Variants in DNAI3 observed in about 807,000 individuals in gnomAD.
The protein encoded by DNAI3 is dynein axonemal intermediate chain 3, also known as WD repeat domain 63.
DNAI3 carries 83 observed loss-of-function variants against 115.5 expected under a neutral mutation model. The observed-to-expected ratio is 0.72, with a 90% CI of 0.60 to 0.86. DNAI3 has a LOEUF of 0.86. Ranked by LOEUF, DNAI3 falls within the 40% of genes least tolerant of loss-of-function variation. DNAI3 has a pLI of 0.00. For synonymous variants in DNAI3, 320 were observed against 347.0 expected (o/e 0.92, Z 0.86); for missense variants, 1,004 against 1,075.8 (o/e 0.93, Z 0.93).
chr1:85,096,579 A>G (rs1446497864), intron 11 of DNAI3, among the ~76,000 whole-genome samples: 1 of 150,732 alleles, frequency 6.6e-6, no homozygotes, highest in African/African-American at 2.4e-5. Context: ...TTTTTAAGTT[A>G]TCTAATATCA....
At chr1:85,063,445 C>A (rs1197089595) in intron 1 of DNAI3, among the ~76,000 whole-genome samples, 1 of 152,150 alleles carries the variant, frequency 6.6e-6, no homozygotes, top group Non-Finnish European at 1.5e-5. Flanking sequence ...AAGGTTGACG[C>A]AGTGAGGCAC....
chr1:85,102,283 T>G (rs1655350713), intron 13 of DNAI3, among the ~76,000 whole-genome samples: 1 of 152,136 alleles, frequency 6.6e-6, no homozygotes, highest in African/African-American at 2.4e-5. Context: ...ATTTCATCTT[T>G]AAACATTATA....
intron 1 of DNAI3, among the ~76,000 whole-genome samples, chr1:85,066,314 C>CATTTTTTTTTTTTTT (rs1553164760): frequency 1.4e-5 from 1 of 70,014 alleles, no homozygotes; most frequent in Non-Finnish European, 2.5e-5. Context: ...TTCTGCTACT[C>CATTTTTTTTTTTTTT]TTTTTTTTTT....
chr1:85,130,463 G>A (rs1170268555), intron 22 of DNAI3, among the ~76,000 whole-genome samples: 1 of 152,102 alleles, frequency 6.6e-6, no homozygotes, highest in Non-Finnish European at 1.5e-5. Context: ...AAGACACGTG[G>A]GCTCAAATCC....
rs930451379 is a variant in DNAI3, at chr1:85,130,060, T to C, written c.2480T>C (p.Ile827Thr). Residue 827 changes from isoleucine (I) to threonine (T), a missense_variant, in exon 22 of 23, where the codon ATT becomes ACT. By Grantham distance (89) the Ile-to-Thr change is moderately conservative. This residue lies in a region of DNAI3 where 429 missense variants were observed against 454.3 expected (regional missense o/e 0.94). Coordinates refer to ENST00000294664, the MANE Select transcript of DNAI3 (RefSeq NM_145172.5). ...GAATACGTAGAACAGCGCAAAAAAA[T>C]TCGTGAGCAAGAAAAGAAAGAAATG... The part of the protein sequence containing the change: ...HLEYVEQRKK[I>T]REQEKKEMEL... 6.2e-7 allele frequency: 1 copy of C among 1,613,522 alleles called. No individual in the cohort carries two copies.
At position 85,104,466 on chromosome 1, in the gene DNAI3, A is replaced by G. The variant is rs142572400; in HGVS notation, c.1480-58A>G. The stretch of plus-strand genomic sequence containing the variant: ...TTTAAAACAAAGAAGAAAAGAATTT[A>G]AAAGGTAAATAGCTATGAGAAAAAC... On this transcript the variant is annotated intron_variant, in intron 13 of 22. Transcript: ENST00000294664. 55 of 1,417,968 alleles carry G rather than the reference A, an allele frequency of 3.9e-5. No homozygotes were observed. In the African/African-American group the frequency reaches 6.8e-4, roughly 18 times the overall value. The allele number at this position is 1,417,968 out of a possible 1,614,324, so 87.8% of individuals were successfully genotyped here.
At chr1:85,091,238 G>T (rs905083126) in intron 8 of DNAI3, among the ~76,000 whole-genome samples, 3 of 152,132 alleles carry the variant, frequency 2.0e-5, no homozygotes, top group African/African-American at 7.2e-5. Context: ...AAAATGAGAA[G>T]TTTGTTTACA....
intron 9 of DNAI3, chr1:85,094,125 C>T (rs1557715029): frequency 2.4e-6 from 1 of 421,876 alleles, no homozygotes; most frequent in African/African-American, 2.0e-5. Flanking sequence ...CTCCTTTCAC[C>T]CTACACTGGC....
At position 85,117,775 on chromosome 1, in the gene DNAI3, C is replaced by G; in HGVS notation, c.1833C>G (p.Asn611Lys). 6.2e-7 allele frequency: 1 copy of G among 1,613,836 alleles called. No homozygotes were observed. The highest frequency in any genetic ancestry group is 8.5e-7 in the Non-Finnish European group (1 of 1,179,778). ...QSKTEKAEEM[N>K]PYHNLESGMA... ...AAACAGAGAAGGCAGAAGAAATGAA[C>G]CCGTATCATAATCTGGAAAGTGGGA... is the stretch of plus-strand genomic sequence containing the variant. The change falls in exon 17 of 23, where the codon AAC (asparagine) becomes AAG (lysine). Residue 611 changes from asparagine (N) to lysine (K), a missense_variant. Asn to Lys is a moderately conservative substitution (Grantham distance 94). Around this residue, in one of 3 missense-constraint regions of DNAI3, gnomAD observed 429 missense variants for 454.3 expected, o/e 0.94. Transcript: ENST00000294664.
rs202122267 is a variant in DNAI3, at chr1:85,100,312, G to A, written c.1479+1654G>A. 1.5e-4 allele frequency among the ~76,000 whole-genome samples: 23 copies of A among 152,264 alleles called. 2 individuals carry two copies. In the East Asian group the frequency reaches 4.4e-3, roughly 29 times the overall value. ...ACAACCCCATCAAAAAGTGGACGAAGGATATGAACAGACACTTCTCAAAAG... is the reference window on the plus strand; with the variant it reads ...ACAACCCCATCAAAAAGTGGACGAAAGATATGAACAGACACTTCTCAAAAG... On this transcript the variant is annotated intron_variant, in intron 13 of 22. Transcript: ENST00000294664.
chr1:85,079,037 T>C (rs1182824520), intron 3 of DNAI3, among the ~76,000 whole-genome samples: 5 of 152,366 alleles, frequency 3.3e-5, no homozygotes, highest in Non-Finnish European at 7.3e-5. Flanking sequence ...TCTGGTCTTC[T>C]GAATGCCTCT....
At position 85,126,994 on chromosome 1, in the gene DNAI3, C is replaced by T. The variant is rs538090276; in HGVS notation, c.2317+279C>T. Among the ~76,000 whole-genome samples the T allele has an allele frequency of 8.1e-4, 123 of 152,246 alleles. 1 individual carries two copies. Among genetic ancestry groups the T allele is most frequent in the Non-Finnish European group, 1.1e-3 (73 of 68,024 alleles). On this transcript the variant is annotated intron_variant, in intron 20 of 22. Transcript: ENST00000294664. Reference sequence around the variant, plus strand: ...CTCATCAAGAATGATTTCTGAGACACGTGTCAGGCAGAGGCTGGTTTTGAA... The same window carrying T: ...CTCATCAAGAATGATTTCTGAGACATGTGTCAGGCAGAGGCTGGTTTTGAA...
rs574666054 is a variant in DNAI3, at chr1:85,101,118, A to G, written c.1479+2460A>G. 2.4e-5 allele frequency among the ~76,000 whole-genome samples: 3 copies of G among 123,878 alleles called. No individual in the cohort carries two copies. The East Asian group carries it at 6.5e-4, about 27-fold the overall frequency. The allele number at this position is 123,878 out of a possible 152,430, so 81.3% of individuals were successfully genotyped here. On this transcript the variant is annotated intron_variant, in intron 13 of 22. Coordinates refer to ENST00000294664, the MANE Select transcript of DNAI3 (RefSeq NM_145172.5). ...GCACATGTACCCTAAAACTTAAAGT[A>G]TAATAATAATAAAATTAAAAAAAAA...
chr1:85,128,844 T>C (rs1656229756), intron 21 of DNAI3, 45 bp downstream of exon 21: 3 of 1,532,940 alleles, frequency 2.0e-6, no homozygotes, highest in Admixed American at 1.8e-5. Flanking sequence ...TGACCAGATA[T>C]TGCTGAGATA....
intron 16 of DNAI3, among the ~76,000 whole-genome samples, chr1:85,115,412 A>T (rs772077943): frequency 6.6e-6 from 1 of 152,190 alleles, no homozygotes; most frequent in Non-Finnish European, 1.5e-5. Context: ...TCTTGTGAGG[A>T]CTGAATGAAA....
intron 16 of DNAI3, among the ~76,000 whole-genome samples, chr1:85,115,646 C>T (rs79558638): frequency 6.6e-6 from 1 of 152,032 alleles, no homozygotes; most frequent in African/African-American, 2.4e-5. Context: ...CCTTCCCCAA[C>T]CTTTTTTGCA....
chr1:85,113,952 C>T (rs817468), intron 16 of DNAI3, among the ~76,000 whole-genome samples: 35,374 of 150,714 alleles, frequency 0.23, 5,013 homozygotes, highest in African/African-American at 0.39. Context: ...CTCTTGTTAA[C>T]GGTACTTAAA....
At chr1:85,073,333 T>C (rs1056409054) in intron 3 of DNAI3, among the ~76,000 whole-genome samples, 2 of 152,344 alleles carry the variant, frequency 1.3e-5, no homozygotes, top group East Asian at 3.9e-4. Context: ...TATATGATTA[T>C]TGAAAGGCCT....
At chr1:85,072,683 C>T (rs1377150154) in intron 2 of DNAI3, among the ~76,000 whole-genome samples, 1 of 146,456 alleles carries the variant, frequency 6.8e-6, no homozygotes, top group Non-Finnish European at 1.5e-5. Flanking sequence ...TGGCCGGGCA[C>T]AGTGGCTCAC....
Sources: gnomAD v4.1 joint callset for allele counts (sites outside exome capture counted in the v4.1 genomes callset) on GRCh38, gnomAD v4.1.1 for gene constraint, gnomAD v4.1.1 regional missense constraint, MANE v1.5 for transcripts, NCBI Gene and HGNC (gene_info 2026-07-23, HGNC 2026-07-21) for gene names.